Variants in MIPOL1 observed in about 807,000 individuals in gnomAD.
MIPOL1 encodes mirror-image polydactyly 1, also known as mirror-image polydactyly gene 1 protein.
Under a neutral mutation model 60.9 loss-of-function variants are expected in MIPOL1, and 57 were observed. The observed-to-expected ratio is 0.94, with a 90% CI of 0.76 to 1.17. The LOEUF is 1.17. Ranked by LOEUF, MIPOL1 falls within the 50% of genes most tolerant of loss-of-function variation. The pLI, the probability that MIPOL1 is intolerant of heterozygous loss-of-function variation, is 0.00. For missense variants in MIPOL1, 551 were observed against 511.6 expected, an observed-to-expected ratio of 1.08 and a Z score of -0.74; for synonymous variants, 179 against 168.8, an observed-to-expected ratio of 1.06 and a Z score of -0.47.
intron 12 of MIPOL1, among the ~76,000 whole-genome samples, chr14:37,528,362 A>T (rs1211255924): frequency 6.6e-6 from 1 of 152,154 alleles, no homozygotes; most frequent in South Asian, 2.1e-4. Flanking sequence ...GTTATTTTCA[A>T]ATACCACTGC....
rs79168030 is a variant in MIPOL1, at chr14:37,541,282, C to T, written c.1263-5623C>T. ...AGTCCCTTGCTCCTTCCATTCTCCC[C>T]GTAGAGTAACAGCCCTTTGTTGACT... is the stretch of plus-strand genomic sequence containing the variant. On this transcript the variant is annotated intron_variant, in intron 12 of 12. Transcript: ENST00000684589. Among the ~76,000 whole-genome samples the T allele has an allele frequency of 2.0e-3, 310 of 152,278 alleles. 4 individuals carry two copies. Among genetic ancestry groups the T allele is most frequent in the Admixed American group, 0.015 (229 of 15,286 alleles).
At chr14:37,200,858 G>A (rs1369896976) in intron 1 of MIPOL1, among the ~76,000 whole-genome samples, 5 of 67,786 alleles carry the variant, frequency 7.4e-5, no homozygotes, top group African/African-American at 2.1e-4. Context: ...CTATGTGTGT[G>A]TGTGTGTGTG....
At chr14:37,433,705 G>A (rs573993770) in intron 11 of MIPOL1, among the ~76,000 whole-genome samples, 2 of 152,042 alleles carry the variant, frequency 1.3e-5, no homozygotes, top group East Asian at 1.9e-4. Flanking sequence ...ACAGGTGCCC[G>A]CCACCATGCC....
chr14:37,306,848 A>C (rs2086827287), intron 7 of MIPOL1, among the ~76,000 whole-genome samples: 1 of 151,854 alleles, frequency 6.6e-6, no homozygotes, highest in Non-Finnish European at 1.5e-5. Flanking sequence ...AAAAGATAAG[A>C]GATGAAAGTA....
chr14:37,259,367 C>T (rs913915892), intron 3 of MIPOL1, among the ~76,000 whole-genome samples: 1 of 151,840 alleles, frequency 6.6e-6, no homozygotes, highest in Admixed American at 6.6e-5. Flanking sequence ...AGTTCGAGAC[C>T]AGCCTGGGCA....
chr14:37,428,221 A>G (rs1057297681), intron 11 of MIPOL1, among the ~76,000 whole-genome samples: 1 of 152,180 alleles, frequency 6.6e-6, no homozygotes, highest in African/African-American at 2.4e-5. Context: ...CAGCCAAAAC[A>G]ATGGAGGATG....
At chr14:37,461,943 G>T (rs752933160) in intron 11 of MIPOL1, among the ~76,000 whole-genome samples, 3 of 152,140 alleles carry the variant, frequency 2.0e-5, no homozygotes, top group Non-Finnish European at 2.9e-5. Context: ...CAAGCTGTCA[G>T]TAGATCTACC....
chr14:37,461,727 C>T (rs956658424), intron 11 of MIPOL1, among the ~76,000 whole-genome samples: 11 of 152,162 alleles, frequency 7.2e-5, no homozygotes, highest in African/African-American at 2.4e-4. Context: ...CCATGCAAGT[C>T]CAAAATCCAG....
chr14:37,389,814 A>G (rs2093182798), intron 10 of MIPOL1, among the ~76,000 whole-genome samples: 1 of 151,804 alleles, frequency 6.6e-6, no homozygotes, highest in African/African-American at 2.4e-5. Flanking sequence ...GTACACATCC[A>G]GTAGTGCCTT....
chr14:37,540,213 T>C (rs2095524176), intron 12 of MIPOL1, among the ~76,000 whole-genome samples: 1 of 152,194 alleles, frequency 6.6e-6, no homozygotes, highest in Non-Finnish European at 1.5e-5. Context: ...TGTTTTCACT[T>C]TCTGTATGAC....
intron 12 of MIPOL1, among the ~76,000 whole-genome samples, chr14:37,500,408 C>T (rs1447757026): frequency 6.6e-6 from 1 of 152,082 alleles, no homozygotes; most frequent in Non-Finnish European, 1.5e-5. Context: ...CTATTTAAAT[C>T]ATTTCACAGT....
In MIPOL1 at chr14:37,205,866, C is replaced by A. The variant is rs1294637097; in HGVS notation, c.-199+7762C>A. Among the ~76,000 whole-genome samples the A allele has an allele frequency of 2.0e-5, 3 of 152,244 alleles. No individual in the cohort carries two copies. The East Asian group carries it at 5.8e-4, about 29-fold the overall frequency. ...GCCACATTGTCTTAATCCAGTCTGT[C>A]ATTGTTGGACATTTGGGTTGATTCC... On this transcript the variant is annotated intron_variant, in intron 1 of 12. Coordinates refer to ENST00000684589, the MANE Select transcript of MIPOL1 (RefSeq NM_001388067.1).
intron 11 of MIPOL1, among the ~76,000 whole-genome samples, chr14:37,479,940 G>A (rs1206543298): frequency 6.6e-6 from 1 of 152,050 alleles, no homozygotes; most frequent in African/African-American, 2.4e-5. Context: ...TAACCTGGAA[G>A]AAATGGATGA....
chr14:37,514,238 A>G (rs181219207), intron 12 of MIPOL1, among the ~76,000 whole-genome samples: 3 of 152,132 alleles, frequency 2.0e-5, no homozygotes, highest in Admixed American at 1.3e-4. Flanking sequence ...ATTTTTTATC[A>G]CTTGACAGGC....
At chr14:37,344,386 G>A (rs188116791) in intron 9 of MIPOL1, among the ~76,000 whole-genome samples, 77 of 151,792 alleles carry the variant, frequency 5.1e-4, no homozygotes, top group Admixed American at 1.2e-3. Context: ...CATCTCTGTA[G>A]TATCATTTAA....
rs749019425 is a variant in MIPOL1, at chr14:37,308,103, TGAG to T, written c.657+18_657+20del. ...GAAAATGACATGGTAAGCCATTCTC[TGAG>T]GAGATTTCTTGATGTCAGTCTTATA... On this transcript the variant is annotated intron_variant, in intron 8 of 12. Transcript: ENST00000684589. The T allele has an allele frequency of 1.2e-6, 2 of 1,607,514 alleles. No homozygotes were observed. Among genetic ancestry groups the T allele is most frequent in the South Asian group, 1.1e-5 (1 of 90,296 alleles).
At chr14:37,201,289 C>A (rs941231691) in intron 1 of MIPOL1, among the ~76,000 whole-genome samples, 7 of 152,058 alleles carry the variant, frequency 4.6e-5, no homozygotes, top group Non-Finnish European at 1.0e-4. Context: ...ACCAGTTTTA[C>A]CTTAAGACTA....
chr14:37,298,014 C>G (rs1238302564), intron 7 of MIPOL1, among the ~76,000 whole-genome samples: 3 of 152,148 alleles, frequency 2.0e-5, no homozygotes, highest in Non-Finnish European at 4.4e-5. Flanking sequence ...GCCAAAAGAA[C>G]AAAGCTGGAG....
intron 7 of MIPOL1, among the ~76,000 whole-genome samples, chr14:37,289,893 C>T (rs2103890): frequency 0.65 from 99,363 of 151,976 alleles, 32,607 homozygotes; most frequent in Non-Finnish European, 0.68. Context: ...TAATCATTAG[C>T]GTACAAAAAG....
Sources: gnomAD v4.1 joint callset for allele counts (sites outside exome capture counted in the v4.1 genomes callset) on GRCh38, gnomAD v4.1.1 for gene constraint, MANE v1.5 for transcripts, NCBI Gene and HGNC (gene_info 2026-07-23, HGNC 2026-07-21) for gene names.